IMMP2L: variants seen among roughly 807,000 people sequenced by gnomAD.
IMMP2L encodes inner mitochondrial membrane peptidase subunit 2.
Under a neutral mutation model 19.3 loss-of-function variants are expected in IMMP2L, and 18 were observed. The observed-to-expected ratio is 0.93, with a 90% CI of 0.64 to 1.38. The LOEUF (loss-of-function observed/expected upper bound fraction) is 1.38. Among genes scored for constraint, IMMP2L ranks in the 40% most tolerant of loss-of-function variants. The pLI, the probability that IMMP2L is intolerant of heterozygous loss-of-function variation, is 0.00. For synonymous variants in IMMP2L, 76 were observed against 73.0 expected, an observed-to-expected ratio of 1.04 and a Z score of -0.21; for missense variants, 233 against 218.2, an observed-to-expected ratio of 1.07 and a Z score of -0.43.
intron 3 of IMMP2L, among the ~76,000 whole-genome samples, chr7:111,470,782 G>A (rs550643009): frequency 1.3e-5 from 2 of 149,582 alleles, no homozygotes; most frequent in Admixed American, 6.7e-5. Context: ...GCTAAATGAC[G>A]AGTTAATGGG....
chr7:111,439,603 T>C (rs1837518036), intron 3 of IMMP2L, among the ~76,000 whole-genome samples: 1 of 151,974 alleles, frequency 6.6e-6, no homozygotes, highest in African/African-American at 2.4e-5. Flanking sequence ...CTAATGATCA[T>C]CTGAGCCTTT....
chr7:111,379,362 A>G (rs1486228609), intron 3 of IMMP2L, among the ~76,000 whole-genome samples: 1 of 151,854 alleles, frequency 6.6e-6, no homozygotes, highest in Non-Finnish European at 1.5e-5. Flanking sequence ...CATAAATTAT[A>G]TATGTATTAT....
At chr7:111,019,697 G>A (rs933412889) in intron 3 of IMMP2L, among the ~76,000 whole-genome samples, 1 of 152,146 alleles carries the variant, frequency 6.6e-6, no homozygotes, top group Non-Finnish European at 1.5e-5. Flanking sequence ...AAAACATGTT[G>A]GAAGAGCCAG....
chr7:111,190,461 T>C (rs1249493885), intron 3 of IMMP2L, among the ~76,000 whole-genome samples: 2 of 152,240 alleles, frequency 1.3e-5, no homozygotes, highest in East Asian at 1.9e-4. Context: ...GCATAAAATA[T>C]ATGTATATAT....
intron 4 of IMMP2L, among the ~76,000 whole-genome samples, chr7:110,936,123 C>T (rs984361532): frequency 3.3e-5 from 5 of 152,166 alleles, no homozygotes; most frequent in African/African-American, 1.2e-4. Flanking sequence ...CAACACTATT[C>T]AGGACATAGG....
intron 3 of IMMP2L, among the ~76,000 whole-genome samples, chr7:111,120,729 G>C (rs1586410403): frequency 6.6e-6 from 1 of 152,258 alleles, no homozygotes; most frequent in East Asian, 1.9e-4. Flanking sequence ...CAAAACTCAA[G>C]TCACTTTATG....
intron 3 of IMMP2L, among the ~76,000 whole-genome samples, chr7:111,485,597 C>CAAA (rs71147477): frequency 0.082 from 4,128 of 50,522 alleles, 1,570 homozygotes; most frequent in South Asian, 0.18. Context: ...GACTCTGTTT[C>CAAA]AAAAAAAAAA....
At chr7:111,517,004 CA>C (rs1478028120) in intron 2 of IMMP2L, among the ~76,000 whole-genome samples, 1 of 152,082 alleles carries the variant, frequency 6.6e-6, no homozygotes, top group Non-Finnish European at 1.5e-5. Context: ...GTATATAAAT[CA>C]CAATGTATCT....
intron 4 of IMMP2L, among the ~76,000 whole-genome samples, chr7:110,895,002 T>G (rs1382103768): frequency 6.6e-6 from 1 of 152,190 alleles, no homozygotes; most frequent in Non-Finnish European, 1.5e-5. Flanking sequence ...TAGTCCATTT[T>G]CATGCTGCTG....
chr7:110,733,274 AGCTAT>A (rs2130827608), intron 5 of IMMP2L, among the ~76,000 whole-genome samples: 1 of 152,218 alleles, frequency 6.6e-6, no homozygotes, highest in African/African-American at 2.4e-5. Context: ...TTCCCAAGCT[AGCTAT>A]GTAAGTGTCA....
chr7:111,282,649 T>C (rs1820025781), intron 3 of IMMP2L, among the ~76,000 whole-genome samples: 1 of 152,058 alleles, frequency 6.6e-6, no homozygotes. Context: ...AGTGGTACAA[T>C]CTCAGCTCAC....
At chr7:111,238,079 C>T (rs1214480087) in intron 3 of IMMP2L, among the ~76,000 whole-genome samples, 1 of 152,034 alleles carries the variant, frequency 6.6e-6, no homozygotes, top group Non-Finnish European at 1.5e-5. Flanking sequence ...GTCTTATATC[C>T]TATTCTCAAA....
chr7:110,690,231 G>A (rs1353233465), intron 5 of IMMP2L, among the ~76,000 whole-genome samples: 2 of 152,070 alleles, frequency 1.3e-5, no homozygotes, highest in South Asian at 2.1e-4. Flanking sequence ...TGAGTGCATC[G>A]TTCTTAGCTT....
intron 5 of IMMP2L, among the ~76,000 whole-genome samples, chr7:110,783,340 G>A (rs1405986929): frequency 2.0e-5 from 3 of 151,696 alleles, no homozygotes; most frequent in Non-Finnish European, 4.4e-5. Flanking sequence ...GGAAACTAAA[G>A]GTCAGCAAAA....
At chr7:110,909,742 G>A (rs757513748) in intron 4 of IMMP2L, among the ~76,000 whole-genome samples, 2 of 151,938 alleles carry the variant, frequency 1.3e-5, no homozygotes, top group Admixed American at 6.6e-5. Context: ...TCATCTAGCC[G>A]TTTCATCCAT....
intron 5 of IMMP2L, among the ~76,000 whole-genome samples, chr7:110,821,806 C>A (rs1803057636): frequency 6.6e-6 from 1 of 152,002 alleles, no homozygotes; most frequent in South Asian, 2.1e-4. Flanking sequence ...GCCTGTAATC[C>A]CAGCTACTTG....
chr7:111,067,411 G>A (rs745640376), intron 3 of IMMP2L, among the ~76,000 whole-genome samples: 37 of 152,242 alleles, frequency 2.4e-4, no homozygotes, highest in Non-Finnish European at 4.4e-4. Context: ...GGACCAATGC[G>A]GAGCCCAGAT....
chr7:111,045,457 A>C lies in IMMP2L; in HGVS notation c.240-81892T>G, dbSNP rs191390470. ...TAAGATCATTTAAAAACACAAATCAAATCTTGTCACTCCTCTGTATACAAC... is the reference window on the plus strand; with the variant it reads ...TAAGATCATTTAAAAACACAAATCACATCTTGTCACTCCTCTGTATACAAC... On this transcript the variant is annotated intron_variant, in intron 3 of 5. Coordinates refer to ENST00000405709, the MANE Select transcript of IMMP2L (RefSeq NM_032549.4). 5.7e-3 allele frequency among the ~76,000 whole-genome samples: 874 copies of C among 152,232 alleles called. 7 individuals carry two copies. The highest frequency in any genetic ancestry group is 0.034 in the Middle Eastern group (10 of 294).
intron 5 of IMMP2L, among the ~76,000 whole-genome samples, chr7:110,714,362 T>A (rs1461328607): frequency 6.6e-6 from 1 of 152,202 alleles, no homozygotes; most frequent in Non-Finnish European, 1.5e-5. Flanking sequence ...TTAACATAGA[T>A]AAGCATAGGC....
Sources: gnomAD v4.1 joint callset for allele counts (sites outside exome capture counted in the v4.1 genomes callset) on GRCh38, gnomAD v4.1.1 for gene constraint, MANE v1.5 for transcripts, NCBI Gene and HGNC (gene_info 2026-07-23, HGNC 2026-07-21) for gene names.